Variants in NAV2 observed in about 807,000 individuals in gnomAD.
NAV2 encodes helicase, APC down-regulated 1.
Under a neutral mutation model 223.2 loss-of-function variants are expected in NAV2, and 54 were observed. That is an observed-to-expected ratio of 0.24 (90% CI 0.19 to 0.30). The LOEUF is 0.30. Ranked by LOEUF, NAV2 falls within the 10% of genes least tolerant of loss-of-function variation. The pLI is 1.00. For missense variants in NAV2, 2,806 were observed against 3,147.5 expected (o/e 0.89, Z 2.60); for synonymous variants, 1,279 against 1,239.3 (o/e 1.03, Z -0.67).
At chr11:19,983,471 A>G (rs1342450974) in intron 10 of NAV2, among the ~76,000 whole-genome samples, 2 of 152,194 alleles carry the variant, frequency 1.3e-5, no homozygotes, top group African/African-American at 4.8e-5. Context: ...TGACAACCGT[A>G]ATGTCTTCCA....
At chr11:19,518,177 T>C (rs1228894597) in intron 1 of NAV2, among the ~76,000 whole-genome samples, 1 of 152,242 alleles carries the variant, frequency 6.6e-6, no homozygotes, top group Non-Finnish European at 1.5e-5. Flanking sequence ...GGGAATTTCA[T>C]CAAAGCTTCA....
chr11:19,434,532 T>C (rs1416188477), intron 1 of NAV2, among the ~76,000 whole-genome samples: 1 of 152,184 alleles, frequency 6.6e-6, no homozygotes, highest in Non-Finnish European at 1.5e-5. Flanking sequence ...ACCAGAAGCA[T>C]GGAATCCAGA....
intron 1 of NAV2, among the ~76,000 whole-genome samples, chr11:19,541,612 G>A (rs1000957546): frequency 1.3e-5 from 2 of 152,190 alleles, no homozygotes; most frequent in African/African-American, 4.8e-5. Context: ...ACTCACAGCT[G>A]AGGCCCCTTA....
Position 19,425,894 on chromosome 11 carries a change from A to G in NAV2, c.75+74867A>G, listed in dbSNP as rs549193221. 1.3e-3 allele frequency among the ~76,000 whole-genome samples: 199 copies of G among 152,252 alleles called. 1 individual carries two copies. Among genetic ancestry groups the G allele is most frequent in the African/African-American group, 4.5e-3 (185 of 41,544 alleles). Reference sequence around the variant, plus strand: ...TATTGATGTCAAGACCCATATATCTACTAAAAGTTATCATCCAAAGCCCTG... The same window carrying G: ...TATTGATGTCAAGACCCATATATCTGCTAAAAGTTATCATCCAAAGCCCTG... On this transcript the variant is annotated intron_variant, in intron 1 of 37. Coordinates refer to the NAV2 transcript ENST00000360655.
rs151140797 is a variant in NAV2, at chr11:20,025,356, C to A, written c.2769-10603C>A. 5.6e-3 allele frequency among the ~76,000 whole-genome samples: 851 copies of A among 152,330 alleles called. 11 individuals are homozygous for A. The highest frequency in any genetic ancestry group is 0.019 in the African/African-American group (788 of 41,568). On this transcript the variant is annotated intron_variant, in intron 11 of 37. Coordinates refer to ENST00000349880, the MANE Select transcript of NAV2 (RefSeq NM_145117.5). Reference sequence around the variant, plus strand: ...CTGTTGATGTTTAGGGGAAATATATCTTCTGGTAAACAGAAAACTAGGATG... The same window carrying A: ...CTGTTGATGTTTAGGGGAAATATATATTCTGGTAAACAGAAAACTAGGATG...
At chr11:20,049,300 TTC>T in intron 15 of NAV2, 105 bp downstream of exon 15, 1 of 863,308 alleles carries the variant, frequency 1.2e-6, no homozygotes, top group Non-Finnish European at 1.8e-6. Flanking sequence ...CCTGTAAGAT[TTC>T]TCTCTTTCTA....
chr11:19,949,770 G>A (rs574953784), intron 10 of NAV2, among the ~76,000 whole-genome samples: 1 of 152,312 alleles, frequency 6.6e-6, no homozygotes, highest in Admixed American at 6.5e-5. Flanking sequence ...GCAGCAGTAA[G>A]TACCATAAAG....
At chr11:19,805,304 A>G (rs894365890) in intron 1 of NAV2, among the ~76,000 whole-genome samples, 5 of 152,098 alleles carry the variant, frequency 3.3e-5, no homozygotes, top group African/African-American at 1.2e-4. Context: ...ACCTCTTCTT[A>G]TTTTTAGTTT....
At chr11:19,351,222 A>C (rs533381493) in intron 1 of NAV2, among the ~76,000 whole-genome samples, 3 of 152,336 alleles carry the variant, frequency 2.0e-5, no homozygotes, top group African/African-American at 7.2e-5. Context: ...AAAGATAAAG[A>C]AAAGGGAAAA....
At chr11:19,968,224 T>G (rs938273478) in intron 10 of NAV2, among the ~76,000 whole-genome samples, 1 of 152,012 alleles carries the variant, frequency 6.6e-6, no homozygotes, top group Non-Finnish European at 1.5e-5. Flanking sequence ...TGAGATAGAG[T>G]TTCACTCTTG....
intron 1 of NAV2, among the ~76,000 whole-genome samples, chr11:19,367,292 G>A (rs1848320130): frequency 6.6e-6 from 1 of 152,124 alleles, no homozygotes; most frequent in African/African-American, 2.4e-5. Flanking sequence ...TTACCCACTG[G>A]GTTGGGAGCC....
chr11:20,092,137 C>A (rs1161520308), intron 27 of NAV2, 69 bp from the exon 28 acceptor site: 16 of 1,502,342 alleles, frequency 1.1e-5, no homozygotes, highest in Non-Finnish European at 1.5e-5. Context: ...CTTTCAGATC[C>A]TTCCTTCAGA....
chr11:19,649,409 C>T (rs767089386), intron 1 of NAV2, among the ~76,000 whole-genome samples: 1 of 152,198 alleles, frequency 6.6e-6, no homozygotes, highest in Admixed American at 6.5e-5. Context: ...TCACAGAATA[C>T]CTAGACTGAA....
intron 1 of NAV2, among the ~76,000 whole-genome samples, chr11:19,581,890 T>A (rs2045731385): frequency 6.6e-6 from 1 of 152,234 alleles, no homozygotes; most frequent in Non-Finnish European, 1.5e-5. Context: ...AGTAATGGGA[T>A]GGCTGGGTCA....
chr11:20,108,406 C>T (rs1158547465), intron 36 of NAV2, among the ~76,000 whole-genome samples: 1 of 152,118 alleles, frequency 6.6e-6, no homozygotes, highest in African/African-American at 2.4e-5. Context: ...CATAAGGCTG[C>T]CAGTTCCTCC....
intron 5 of NAV2, among the ~76,000 whole-genome samples, chr11:19,885,273 A>G (rs1273850273): frequency 6.6e-6 from 1 of 152,228 alleles, no homozygotes; most frequent in Admixed American, 6.5e-5. Flanking sequence ...TAAAAAATGG[A>G]CGAACCAGGA....
chr11:19,586,951 G>C (rs562586161), intron 1 of NAV2, among the ~76,000 whole-genome samples: 1 of 152,346 alleles, frequency 6.6e-6, no homozygotes, highest in African/African-American at 2.4e-5. Flanking sequence ...GCTGCCTTTT[G>C]TTTGGCTATG....
upstream of NAV2, among the ~76,000 whole-genome samples, chr11:19,349,382 C>T (rs1239071278): frequency 6.6e-6 from 1 of 152,198 alleles, no homozygotes; most frequent in Non-Finnish European, 1.5e-5. Flanking sequence ...TCATGTCCGC[C>T]TCTTAACCTG....
At chr11:19,959,877 C>G (rs145453419) in intron 10 of NAV2, among the ~76,000 whole-genome samples, 69 of 152,274 alleles carry the variant, frequency 4.5e-4, no homozygotes, top group African/African-American at 1.6e-3. Context: ...TCCCCCCCCA[C>G]CATCTGGACT....
Sources: gnomAD v4.1 joint callset for allele counts (sites outside exome capture counted in the v4.1 genomes callset) on GRCh38, gnomAD v4.1.1 for gene constraint, MANE v1.5 for transcripts, NCBI Gene and HGNC (gene_info 2026-07-23, HGNC 2026-07-21) for gene names.